Variants in ANK2 observed in about 807,000 individuals in gnomAD.
ANK2 encodes ankyrin 2, also known as ankyrin-2.
In ANK2, 83 loss-of-function variants were observed where a neutral mutation model predicts 360.5. The observed-to-expected ratio is 0.23, with a 90% CI of 0.19 to 0.28. The LOEUF is 0.28. Among genes scored for constraint, ANK2 ranks in the 10% least tolerant of loss-of-function variants. ANK2 has a pLI of 1.00. For missense variants in ANK2, 4,201 were observed against 4,795.7 expected, an observed-to-expected ratio of 0.88 and a Z score of 3.66; for synonymous variants, 1,740 against 1,759.5, an observed-to-expected ratio of 0.99 and a Z score of 0.28.
At chr4:112,770,823 T>A in the ANK2 span, among the ~76,000 whole-genome samples, 1 of 152,298 alleles carries the variant, frequency 6.6e-6, no homozygotes, top group East Asian at 1.9e-4. Context: ...GGCCAAGAAC[T>A]TCATTTCTTA....
chr4:113,026,598 G>T (rs2059337582), intron 2 of ANK2, among the ~76,000 whole-genome samples: 1 of 152,122 alleles, frequency 6.6e-6, no homozygotes, highest in African/African-American at 2.4e-5. Flanking sequence ...CAGTGGACAG[G>T]GAGCATTGGT....
chr4:113,255,140 A>T (rs1253437181), intron 10 of ANK2, among the ~76,000 whole-genome samples: 2 of 152,222 alleles, frequency 1.3e-5, no homozygotes, highest in Non-Finnish European at 2.9e-5. Context: ...TTGTGAGGTC[A>T]TTGGCACATG....
At chr4:112,898,417 A>C (rs1446457886) in intron 1 of ANK2, among the ~76,000 whole-genome samples, 1 of 152,094 alleles carries the variant, frequency 6.6e-6, no homozygotes, top group Non-Finnish European at 1.5e-5. Context: ...ATATTGTGGG[A>C]TATCCCTTTA....
chr4:112,748,063 T>C, the ANK2 span, among the ~76,000 whole-genome samples: 1 of 152,184 alleles, frequency 6.6e-6, no homozygotes, highest in African/African-American at 2.4e-5. Context: ...ACATTTTTTG[T>C]AAGGCATCCT....
At chr4:113,169,393 A>G (rs558454212) in intron 1 of ANK2, among the ~76,000 whole-genome samples, 85 of 152,266 alleles carry the variant, frequency 5.6e-4, no homozygotes, top group African/African-American at 1.9e-3. Flanking sequence ...CCTTCAAGTT[A>G]CTTTACTAGG....
chr4:112,750,195 G>T, the ANK2 span, among the ~76,000 whole-genome samples: 152 of 152,184 alleles, frequency 1.0e-3, no homozygotes, highest in African/African-American at 3.0e-3. Context: ...ACTTTGGGAG[G>T]CTGAGATTGG....
At chr4:113,049,568 C>A (rs1251868007), upstream of ANK2, 2 of 1,402,828 alleles carry the variant, frequency 1.4e-6, no homozygotes, top group Non-Finnish European at 1.9e-6. Flanking sequence ...GTTGTGGCAG[C>A]TGCTGCCATG....
At chr4:112,804,895 A>C in the ANK2 span, among the ~76,000 whole-genome samples, 1 of 151,892 alleles carries the variant, frequency 6.6e-6, no homozygotes, top group Non-Finnish European at 1.5e-5. Context: ...CCTGGAGTTC[A>C]AGGCTGTCGT....
chr4:112,760,429 C>G, the ANK2 span, among the ~76,000 whole-genome samples: 2 of 151,978 alleles, frequency 1.3e-5, no homozygotes, highest in Non-Finnish European at 2.9e-5. Flanking sequence ...CCTTGTGATC[C>G]GCCCGCCTTG....
At chr4:113,156,051 AT>A (rs2097276047) in intron 1 of ANK2, among the ~76,000 whole-genome samples, 1 of 152,188 alleles carries the variant, frequency 6.6e-6, no homozygotes, top group Non-Finnish European at 1.5e-5. Context: ...GACACTGTTA[AT>A]TCACTTTTAG....
In ANK2 at chr4:113,249,896, A is replaced by G. The variant is rs188688721; in HGVS notation, c.990+34A>G. ...TTATGAGTAAGATGGGGTCCTAAGAAATCTTTAAGTTACTTGATGTATTAT... is the reference window on the plus strand; with the variant it reads ...TTATGAGTAAGATGGGGTCCTAAGAGATCTTTAAGTTACTTGATGTATTAT... On this transcript the variant is annotated intron_variant, in intron 10 of 45. Coordinates refer to ENST00000357077, the MANE Select transcript of ANK2 (RefSeq NM_001148.6). The G allele has an allele frequency of 8.9e-6, 14 of 1,569,680 alleles. No individual in the cohort carries two copies. The Admixed American group carries it at 2.4e-4, about 27-fold the overall frequency.
intron 1 of ANK2, among the ~76,000 whole-genome samples, chr4:113,095,749 G>A (rs1015154758): frequency 6.6e-6 from 1 of 152,060 alleles, no homozygotes; most frequent in African/African-American, 2.4e-5. Context: ...CTAGTTTCTT[G>A]TATAAATACA....
At chr4:112,972,776 C>T (rs1423036400) in intron 2 of ANK2, among the ~76,000 whole-genome samples, 1 of 152,052 alleles carries the variant, frequency 6.6e-6, no homozygotes, top group East Asian at 1.9e-4. Context: ...ACTTGAGTGT[C>T]CATTGACCAA....
At chr4:113,093,228 T>C (rs1300125550) in intron 1 of ANK2, among the ~76,000 whole-genome samples, 1 of 152,200 alleles carries the variant, frequency 6.6e-6, no homozygotes, top group African/African-American at 2.4e-5. Flanking sequence ...TGGGTACTTG[T>C]AGAAGTTTCA....
At chr4:113,375,114 C>T (rs2096878546) in intron 45 of ANK2, among the ~76,000 whole-genome samples, 2 of 152,168 alleles carry the variant, frequency 1.3e-5, no homozygotes, top group South Asian at 4.1e-4. Context: ...AGTAACGTTT[C>T]CTTAAACTGT....
At chr4:112,820,997 C>T (rs191378676) in intron 1 of ANK2, among the ~76,000 whole-genome samples, 16 of 152,246 alleles carry the variant, frequency 1.1e-4, no homozygotes, top group African/African-American at 3.4e-4. Flanking sequence ...CCGCAACCTC[C>T]GCTTCCCGGG....
At chr4:113,170,992 G>A (rs140147212) in intron 1 of ANK2, among the ~76,000 whole-genome samples, 108 of 152,292 alleles carry the variant, frequency 7.1e-4, no homozygotes, top group African/African-American at 2.6e-3. Context: ...ACATAAAGCA[G>A]CAAAGCAGGG....
intron 1 of ANK2, among the ~76,000 whole-genome samples, chr4:113,140,649 T>C (rs1162983077): frequency 6.6e-6 from 1 of 152,158 alleles, no homozygotes; most frequent in African/African-American, 2.4e-5. Flanking sequence ...AATTTTTTTT[T>C]CAGTCTTTTT....
chr4:113,352,745 T>G (rs950669009), intron 37 of ANK2, among the ~76,000 whole-genome samples: 17 of 152,188 alleles, frequency 1.1e-4, no homozygotes, highest in South Asian at 2.1e-4. Context: ...TAGTGTTTTT[T>G]TGTGTGTGTA....
Sources: allele counts gnomAD v4.1 joint callset (sites outside exome capture counted in the v4.1 genomes callset), GRCh38; gene constraint gnomAD v4.1.1; transcripts MANE v1.5; gene names NCBI Gene and HGNC (gene_info 2026-07-23, HGNC 2026-07-21).